TAFA1: variants seen among roughly 807,000 people sequenced by gnomAD.
The protein encoded by TAFA1 is TAFA chemokine like family member 1, also known as chemokine-like protein TAFA-1.
TAFA1 carries 4 observed loss-of-function variants against 18.5 expected under a neutral mutation model. That is an observed-to-expected ratio of 0.22 (90% CI 0.11 to 0.49). The LOEUF is 0.49. TAFA1 is among the 20% of genes least tolerant of loss of function. The pLI is 0.98. For missense variants in TAFA1, 147 were observed against 169.0 expected (o/e 0.87, Z 0.72); for synonymous variants, 56 against 55.2 (o/e 1.01, Z -0.06).
intron 2 of TAFA1, among the ~76,000 whole-genome samples, chr3:68,270,714 G>A (rs868364361): frequency 1.3e-5 from 2 of 152,158 alleles, no homozygotes; most frequent in Non-Finnish European, 2.9e-5. Context: ...AGGAACAAGA[G>A]GGAAGGTCAA....
At chr3:68,383,540 C>T (rs546644361) in intron 2 of TAFA1, among the ~76,000 whole-genome samples, 37 of 152,076 alleles carry the variant, frequency 2.4e-4, no homozygotes, top group Admixed American at 2.0e-3. Context: ...CCTACTTGAT[C>T]GGGTGGAGAA....
intron 1 of TAFA1, among the ~76,000 whole-genome samples, chr3:68,004,997 C>T (rs891244400): frequency 3.3e-5 from 5 of 151,500 alleles, no homozygotes. Flanking sequence ...AGAAAGCAGT[C>T]ATTGAAAAAC....
chr3:68,334,080 C>A (rs1480593693), intron 2 of TAFA1, among the ~76,000 whole-genome samples: 2 of 152,108 alleles, frequency 1.3e-5, no homozygotes, highest in African/African-American at 4.8e-5. Context: ...GCCCAATGTG[C>A]AACATGGAAA....
At chr3:68,077,941 A>G (rs2064848176) in intron 2 of TAFA1, among the ~76,000 whole-genome samples, 1 of 152,294 alleles carries the variant, frequency 6.6e-6, no homozygotes, top group African/African-American at 2.4e-5. Flanking sequence ...CCTACCCATG[A>G]GCATGGAATC....
chr3:68,088,250 C>T (rs1652838223), intron 2 of TAFA1, among the ~76,000 whole-genome samples: 1 of 152,202 alleles, frequency 6.6e-6, no homozygotes, highest in South Asian at 2.1e-4. Context: ...AGCAATCATA[C>T]TGTCAGACTG....
chr3:68,393,672 A>G (rs1315664589), intron 2 of TAFA1, among the ~76,000 whole-genome samples: 1 of 152,208 alleles, frequency 6.6e-6, no homozygotes, highest in Admixed American at 6.5e-5. Context: ...AGCACAATCA[A>G]GTCAGCTTCA....
At chr3:68,519,944 G>GTT (rs1284291689) in intron 3 of TAFA1, among the ~76,000 whole-genome samples, 1 of 152,192 alleles carries the variant, frequency 6.6e-6, no homozygotes, top group Non-Finnish European at 1.5e-5. Flanking sequence ...GAGGGGGAAT[G>GTT]TTGTTGAAGA....
intron 3 of TAFA1, among the ~76,000 whole-genome samples, chr3:68,432,916 T>C (rs1444043002): frequency 6.6e-6 from 1 of 152,018 alleles, no homozygotes; most frequent in Admixed American, 6.6e-5. Context: ...GAGAGCTGCC[T>C]TTCTCTTCTC....
intron 2 of TAFA1, among the ~76,000 whole-genome samples, chr3:68,140,213 G>C (rs2065653460): frequency 6.6e-6 from 1 of 152,174 alleles, no homozygotes; most frequent in African/African-American, 2.4e-5. Flanking sequence ...CTTGAGGTTG[G>C]TTATCAAAGT....
intron 2 of TAFA1, among the ~76,000 whole-genome samples, chr3:68,061,320 G>A (rs918281589): frequency 2.0e-5 from 3 of 152,220 alleles, no homozygotes; most frequent in Non-Finnish European, 4.4e-5. Flanking sequence ...TATGGTGCTT[G>A]ATAAATTTCT....
intron 2 of TAFA1, among the ~76,000 whole-genome samples, chr3:68,120,194 T>A (rs1211242887): frequency 3.2e-5 from 2 of 61,942 alleles, no homozygotes; most frequent in African/African-American, 6.6e-5. Flanking sequence ...TCTTTCTTTC[T>A]TTCTTTCTTT....
intron 2 of TAFA1, among the ~76,000 whole-genome samples, chr3:68,200,881 C>A (rs2066462428): frequency 6.6e-6 from 1 of 151,464 alleles, no homozygotes; most frequent in Admixed American, 6.6e-5. Context: ...TTTATTATCT[C>A]TTTTCTGTTG....
chr3:68,228,763 A>C, intron 2 of TAFA1, among the ~76,000 whole-genome samples: 1 of 152,246 alleles, frequency 6.6e-6, no homozygotes, highest in East Asian at 1.9e-4. Flanking sequence ...GCTTTGGGAA[A>C]TATGCCAAGA....
intron 2 of TAFA1, among the ~76,000 whole-genome samples, chr3:68,035,725 G>A (rs565898600): frequency 3.5e-4 from 54 of 152,280 alleles, no homozygotes; most frequent in Admixed American, 2.3e-3. Context: ...CAAAAAACAT[G>A]TGTGAATATT....
At chr3:68,398,596 A>T (rs2106738556) in intron 2 of TAFA1, among the ~76,000 whole-genome samples, 1 of 152,332 alleles carries the variant, frequency 6.6e-6, no homozygotes. Flanking sequence ...TTCAGATCCC[A>T]TGTCAATCTC....
chr3:68,258,214 G>A (rs1336277833), intron 2 of TAFA1, among the ~76,000 whole-genome samples: 2 of 152,156 alleles, frequency 1.3e-5, no homozygotes, highest in Non-Finnish European at 2.9e-5. Flanking sequence ...GAGAAGTTGG[G>A]TAAAAGGTAT....
At chr3:68,532,573 A>G (rs954634477) in intron 3 of TAFA1, among the ~76,000 whole-genome samples, 1 of 152,182 alleles carries the variant, frequency 6.6e-6, no homozygotes, top group Non-Finnish European at 1.5e-5. Flanking sequence ...AGCCCCTCTG[A>G]GTAGCCATCT....
chr3:68,245,640 A>G (rs2067063133), intron 2 of TAFA1, among the ~76,000 whole-genome samples: 1 of 152,212 alleles, frequency 6.6e-6, no homozygotes, highest in African/African-American at 2.4e-5. Context: ...TACTTTGGTC[A>G]CCTTTAGCAA....
chr3:68,032,165 A>T (rs971719058), intron 2 of TAFA1, among the ~76,000 whole-genome samples: 1 of 152,162 alleles, frequency 6.6e-6, no homozygotes, highest in South Asian at 2.1e-4. Context: ...TATCTGGTCT[A>T]TATGAGATTC....
Sources: allele counts gnomAD v4.1 joint callset (sites outside exome capture counted in the v4.1 genomes callset), GRCh38; gene constraint gnomAD v4.1.1; transcripts MANE v1.5; gene names NCBI Gene and HGNC (gene_info 2026-07-23, HGNC 2026-07-21).